The following EYS variants were observed in gnomAD, a reference collection of about 807,000 sequenced individuals.
EYS encodes the protein EGF-like photoreceptor maintenance factor.
EYS carries 250 observed loss-of-function variants against 282.1 expected under a neutral mutation model. That is an observed-to-expected ratio of 0.89 (90% CI 0.80 to 0.98). The LOEUF is 0.98. Ranked by LOEUF, EYS falls within the 50% of genes least tolerant of loss-of-function variation. The probability of loss-of-function intolerance (pLI) is 0.00; values close to 1 mark genes in which losing one functional copy is unlikely to be tolerated. For synonymous variants in EYS, 1,355 were observed against 1,282.9 expected, an observed-to-expected ratio of 1.06 and a Z score of -1.20; for missense variants, 4,016 against 3,709.0, an observed-to-expected ratio of 1.08 and a Z score of -2.15.
At chr6:65,250,461 G>A (rs550034810) in intron 12 of EYS, among the ~76,000 whole-genome samples, 1 of 151,898 alleles carries the variant, frequency 6.6e-6, no homozygotes, top group South Asian at 2.1e-4. Flanking sequence ...ATCTTTTATG[G>A]ATCTTCTTGG....
intron 30 of EYS, among the ~76,000 whole-genome samples, chr6:64,292,168 C>A (rs1768738206): frequency 6.6e-6 from 1 of 152,036 alleles, no homozygotes; most frequent in Non-Finnish European, 1.5e-5. Context: ...TAACTCAAAC[C>A]CACTTCCACA....
intron 15 of EYS, among the ~76,000 whole-genome samples, chr6:64,938,757 T>C (rs1235439523): frequency 6.6e-6 from 1 of 151,710 alleles, no homozygotes; most frequent in East Asian, 1.9e-4. Context: ...TCAGTAAGTA[T>C]ATTAAATACT....
rs1406808228 is a variant in EYS, at chr6:64,590,863, A to C, written c.5004T>G (p.Ile1668Met). ...CTGAAGAGATAGTTTGTGAAGGGAC[A>C]ATGGATAAACAAGTCTTATCCAAAC... is the stretch of plus-strand genomic sequence containing the variant. ...NLCLDKTCLS[I>M]VPSQTISSDL... The change falls in exon 26 of 43, where the codon ATT (isoleucine) becomes ATG (methionine). Residue 1668 changes from isoleucine to methionine, a missense_variant. Transcript: ENST00000503581. 6.4e-7 allele frequency: 1 copy of C among 1,550,718 alleles called. No individual in the cohort carries two copies. Among genetic ancestry groups the C allele is most frequent in the Non-Finnish European group, 8.7e-7 (1 of 1,146,560 alleles).
intron 12 of EYS, among the ~76,000 whole-genome samples, chr6:65,113,451 T>A (rs2350521): frequency 6.6e-6 from 1 of 151,684 alleles, no homozygotes; most frequent in South Asian, 2.1e-4. Context: ...CACATAATAA[T>A]GCTTTTGACC....
At chr6:63,845,804 GA>G (rs2149700017) in intron 36 of EYS, among the ~76,000 whole-genome samples, 1 of 152,282 alleles carries the variant, frequency 6.6e-6, no homozygotes, top group South Asian at 2.1e-4. Context: ...ATAACCAAAA[GA>G]GCTTTTAGAT....
chr6:65,541,613 T>A (rs1461565805), intron 2 of EYS, among the ~76,000 whole-genome samples: 1 of 152,094 alleles, frequency 6.6e-6, no homozygotes, highest in African/African-American at 2.4e-5. Flanking sequence ...AAAAACTTTA[T>A]CTGCCTTTCC....
chr6:64,778,701 A>G (rs956821798), intron 22 of EYS, among the ~76,000 whole-genome samples: 1 of 152,138 alleles, frequency 6.6e-6, no homozygotes, highest in Admixed American at 6.6e-5. Flanking sequence ...CACCACCAAC[A>G]ACAACAAAAC....
intron 8 of EYS, among the ~76,000 whole-genome samples, chr6:65,375,321 C>G (rs961320457): frequency 2.0e-5 from 3 of 152,158 alleles, no homozygotes; most frequent in Non-Finnish European, 4.4e-5. Flanking sequence ...AACCAACAAA[C>G]AGCAAGCAAT....
At chr6:65,236,600 T>A (rs1340720957) in intron 12 of EYS, among the ~76,000 whole-genome samples, 2 of 145,878 alleles carry the variant, frequency 1.4e-5, no homozygotes, top group Admixed American at 6.8e-5. Context: ...AGAGTGAGAC[T>A]CTGTCTCAAA....
At chr6:64,375,175 G>C (rs916860750) in intron 29 of EYS, among the ~76,000 whole-genome samples, 49 of 152,272 alleles carry the variant, frequency 3.2e-4, no homozygotes, top group African/African-American at 1.2e-3. Flanking sequence ...ATTAGTATAT[G>C]AATAAGTATT....
chr6:64,021,069 A>C (rs2149819244), intron 33 of EYS, among the ~76,000 whole-genome samples: 2 of 152,276 alleles, frequency 1.3e-5, no homozygotes, highest in South Asian at 4.1e-4. Flanking sequence ...TTTTCTACCC[A>C]AAAGCATTTT....
chr6:65,699,013 C>T (rs1390607421), intron 1 of EYS, among the ~76,000 whole-genome samples: 2 of 152,148 alleles, frequency 1.3e-5, no homozygotes, highest in East Asian at 3.9e-4. Context: ...ACATTTGATT[C>T]AGCACGAGCT....
In EYS at chr6:65,116,826, A is replaced by G. The variant is rs553292484; in HGVS notation, c.2024-59099T>C. Among the ~76,000 whole-genome samples, 9 of 152,296 alleles carry G rather than the reference A, an allele frequency of 5.9e-5. No individual in the cohort carries two copies. The South Asian group carries it at 1.7e-3, about 28-fold the overall frequency. On this transcript the variant is annotated intron_variant, in intron 12 of 42. Coordinates refer to ENST00000503581, the MANE Select transcript of EYS (RefSeq NM_001142800.2). Reference sequence around the variant, plus strand: ...TTATACAAAAATGACAGTTACATTTACTTTTGAAAATCTGTGTTTGTGATT... The same window carrying G: ...TTATACAAAAATGACAGTTACATTTGCTTTTGAAAATCTGTGTTTGTGATT...
intron 5 of EYS, among the ~76,000 whole-genome samples, chr6:65,467,828 T>C (rs556340175): frequency 6.6e-6 from 1 of 152,192 alleles, no homozygotes; most frequent in East Asian, 1.9e-4. Context: ...AGAATTATAT[T>C]AAGAAGAATG....
At chr6:64,767,249 C>T (rs983396054) in intron 22 of EYS, among the ~76,000 whole-genome samples, 7 of 151,794 alleles carry the variant, frequency 4.6e-5, no homozygotes, top group African/African-American at 7.3e-5. Flanking sequence ...TTCATCATAC[C>T]GTACATTTAT....
At chr6:64,703,986 CA>C (rs1361534074) in intron 22 of EYS, among the ~76,000 whole-genome samples, 1 of 151,868 alleles carries the variant, frequency 6.6e-6, no homozygotes, top group Non-Finnish European at 1.5e-5. Flanking sequence ...AATGTGGTTC[CA>C]TATGTCTCAC....
Position 65,359,250 on chromosome 6 carries a change from C to G in EYS, c.1300-5633G>C, listed in dbSNP as rs80054226. Reference sequence around the variant, plus strand: ...TATCTCATGTCACATCAGAAATAAGCAAATTTTGCAGTATCAAAGTTTTGT... The same window carrying G: ...TATCTCATGTCACATCAGAAATAAGGAAATTTTGCAGTATCAAAGTTTTGT... On this transcript the variant is annotated intron_variant, in intron 8 of 42. Transcript: ENST00000503581. Among the ~76,000 whole-genome samples the G allele has an allele frequency of 4.3e-3, 656 of 152,058 alleles. 6 individuals are homozygous for G. The highest frequency in any genetic ancestry group is 0.015 in the African/African-American group (613 of 41,524).
At chr6:64,358,689 G>C (rs1771912330) in intron 29 of EYS, among the ~76,000 whole-genome samples, 1 of 151,636 alleles carries the variant, frequency 6.6e-6, no homozygotes, top group Admixed American at 6.6e-5. Context: ...TATACATGCA[G>C]ATAGGAATAA....
chr6:64,643,057 G>A (rs865977668), intron 22 of EYS, among the ~76,000 whole-genome samples: 1 of 151,388 alleles, frequency 6.6e-6, no homozygotes, highest in Non-Finnish European at 1.5e-5. Flanking sequence ...AGAGATTGTG[G>A]TGAGCCGAGA....
Sources: gnomAD v4.1 joint callset for allele counts (sites outside exome capture counted in the v4.1 genomes callset) on GRCh38, gnomAD v4.1.1 for gene constraint, MANE v1.5 for transcripts, NCBI Gene and HGNC (gene_info 2026-07-23, HGNC 2026-07-21) for gene names.